Variants in QKI observed in about 807,000 individuals in gnomAD.
QKI encodes the protein QKI, KH domain containing RNA binding.
Under a neutral mutation model 39.0 loss-of-function variants are expected in QKI, and 10 were observed. The ratio of observed to expected loss-of-function variants is 0.26; its 90% CI spans 0.16 to 0.43. The LOEUF is 0.43. Among genes scored for constraint, QKI ranks in the 20% least tolerant of loss-of-function variants. The pLI is 1.00. For synonymous variants in QKI, 204 were observed against 155.4 expected, an observed-to-expected ratio of 1.31 and a Z score of -2.33; for missense variants, 218 against 428.0, an observed-to-expected ratio of 0.51 and a Z score of 4.33.
intron 3 of QKI, among the ~76,000 whole-genome samples, chr6:163,486,618 A>T (rs1777697027): frequency 6.6e-6 from 1 of 152,206 alleles, no homozygotes; most frequent in African/African-American, 2.4e-5. Flanking sequence ...TCAATATGTT[A>T]TATTTTTAGA....
chr6:163,537,798 C>G (rs939335447), intron 4 of QKI, among the ~76,000 whole-genome samples: 4 of 152,194 alleles, frequency 2.6e-5, no homozygotes, highest in African/African-American at 9.7e-5. Flanking sequence ...ATGCTTGTAT[C>G]AGAACCCCAC....
chr6:163,451,648 A>T (rs937214409), intron 1 of QKI, among the ~76,000 whole-genome samples: 1 of 152,044 alleles, frequency 6.6e-6, no homozygotes, highest in Non-Finnish European at 1.5e-5. Flanking sequence ...ATGTTGGGAG[A>T]TTTTTTGTAC....
rs79711307 is a variant in QKI, at chr6:163,526,779, C to T, written c.403-8203C>T. 5.0e-3 allele frequency among the ~76,000 whole-genome samples: 758 copies of T among 152,218 alleles called. 6 individuals are homozygous for T. Among genetic ancestry groups the T allele is most frequent in the East Asian group, 0.025 (132 of 5,178 alleles). On this transcript the variant is annotated intron_variant, in intron 3 of 7. Transcript: ENST00000361752. Reference sequence around the variant, plus strand: ...TTGTTTCTGCATGCTAAAAGCAGCTCATATCTAGAGAAATCTCACTCATTT... The same window carrying T: ...TTGTTTCTGCATGCTAAAAGCAGCTTATATCTAGAGAAATCTCACTCATTT...
Position 163,516,677 on chromosome 6 carries a change from C to G in QKI, c.403-18305C>G, listed in dbSNP as rs180738606. On this transcript the variant is annotated intron_variant, in intron 3 of 7. Coordinates refer to ENST00000361752, the MANE Select transcript of QKI (RefSeq NM_006775.3). ...ACCTTGATGACTTATTTCAAGAAAG[C>G]TTTTTATTTTTCTGGTCTTAACTAT... Among the ~76,000 whole-genome samples, 5 of 152,156 alleles carry G rather than the reference C, an allele frequency of 3.3e-5. No homozygotes were observed. In the East Asian group the frequency reaches 9.7e-4, roughly 29 times the overall value.
intron 3 of QKI, among the ~76,000 whole-genome samples, chr6:163,495,175 A>G (rs895808989): frequency 2.6e-5 from 4 of 152,262 alleles, no homozygotes; most frequent in Non-Finnish European, 4.4e-5. Context: ...TCGGCCTCCC[A>G]AAGTGCTGGG....
intron 2 of QKI, among the ~76,000 whole-genome samples, chr6:163,457,982 A>T (rs1791053258): frequency 6.6e-6 from 1 of 152,168 alleles, no homozygotes; most frequent in African/African-American, 2.4e-5. Context: ...GAATGATGGG[A>T]GGAAGGCATG....
Position 163,564,499 on chromosome 6 carries a change from T to G in QKI, c.934+780T>G, listed in dbSNP as rs1783233055. 2.1e-6 allele frequency: 3 copies of G among 1,435,718 alleles called. No individual in the cohort carries two copies. The South Asian group carries it at 4.6e-5, about 22-fold the overall frequency. The allele number at this position is 1,435,718 out of a possible 1,614,324, so 88.9% of individuals were successfully genotyped here. On this transcript the variant is annotated intron_variant, in intron 6 of 7. Coordinates refer to ENST00000361752, the MANE Select transcript of QKI (RefSeq NM_006775.3). The stretch of plus-strand genomic sequence containing the variant: ...TCCTAGTCATATTAAACATGAGAGA[T>G]ACTCTTAATTTCAGTAGTACAGTAT...
chr6:163,436,262 C>T (rs554074338), intron 1 of QKI, among the ~76,000 whole-genome samples: 7 of 152,156 alleles, frequency 4.6e-5, no homozygotes, highest in Non-Finnish European at 1.0e-4. Flanking sequence ...GAAGTGTTAA[C>T]TTCTAGAAGG....
chr6:163,502,856 C>T (rs897501535), intron 3 of QKI, among the ~76,000 whole-genome samples: 1 of 151,964 alleles, frequency 6.6e-6, no homozygotes, highest in East Asian at 1.9e-4. Flanking sequence ...TGTTTTCTTT[C>T]GGATGTATAC....
intron 1 of QKI, among the ~76,000 whole-genome samples, chr6:163,431,254 C>A (rs984361063): frequency 2.0e-5 from 3 of 152,102 alleles, no homozygotes; most frequent in African/African-American, 7.2e-5. Context: ...AGAAAACTGT[C>A]CTTGTCTGGC....
rs778153160 is a variant in QKI, at chr6:163,576,216, CATT to C, written c.*5509_*5511del. 3 of 152,202 alleles carry C rather than the reference CATT, an allele frequency of 2.0e-5. No individual in the cohort carries two copies. The highest frequency in any genetic ancestry group is 1.9e-4 in the East Asian group (1 of 5,174). The allele number at this position is 152,202 out of a possible 1,614,324, so 9.4% of individuals were successfully genotyped here. A position where few individuals can be genotyped will look rare whatever the true frequency, so the allele number is the denominator to read the frequency against. Reference sequence around the variant, plus strand: ...CCTTTGATATGAAGAGATTTACCAACATTATATGCACTCGTGCCTTCAATGTGG... The same window carrying C: ...CCTTTGATATGAAGAGATTTACCAACATATGCACTCGTGCCTTCAATGTGG... On this transcript the variant is annotated 3_prime_UTR_variant, in exon 8 of 8. Transcript: ENST00000361752.
intron 4 of QKI, among the ~76,000 whole-genome samples, chr6:163,540,010 T>G (rs1781415204): frequency 6.6e-6 from 1 of 152,140 alleles, no homozygotes; most frequent in African/African-American, 2.4e-5. Context: ...CATGAGATAC[T>G]TTTGTAATGT....
At chr6:163,547,507 A>G (rs1382277458) in intron 4 of QKI, among the ~76,000 whole-genome samples, 6 of 152,144 alleles carry the variant, frequency 3.9e-5, no homozygotes, top group Admixed American at 1.3e-4. Flanking sequence ...GCGTGCTTCT[A>G]ATCTGGAATT....
In QKI at chr6:163,570,746, T is replaced by G. The variant is rs1783657817; in HGVS notation, c.*36T>G. 6.2e-7 allele frequency: 1 copy of G among 1,611,884 alleles called. No individual in the cohort carries two copies. The highest frequency in any genetic ancestry group is 8.5e-7 in the Non-Finnish European group (1 of 1,178,870). ...TCTGACCTCTGAACTCTTCACCCAATGATGACCTGACCATGCCTGCCTGCT... is the reference window on the plus strand; with the variant it reads ...TCTGACCTCTGAACTCTTCACCCAAGGATGACCTGACCATGCCTGCCTGCT... On this transcript the variant is annotated 3_prime_UTR_variant, in exon 8 of 8. Coordinates refer to ENST00000361752, the MANE Select transcript of QKI (RefSeq NM_006775.3).
chr6:163,485,417 G>T (rs1777593918), intron 3 of QKI, among the ~76,000 whole-genome samples: 1 of 152,164 alleles, frequency 6.6e-6, no homozygotes, highest in African/African-American at 2.4e-5. Flanking sequence ...AAACAGAACA[G>T]TGTTTTGCAC....
At chr6:163,451,516 A>G (rs1790557716) in intron 1 of QKI, among the ~76,000 whole-genome samples, 1 of 152,198 alleles carries the variant, frequency 6.6e-6, no homozygotes, top group Admixed American at 6.5e-5. Context: ...AATGGTAGAA[A>G]TTTTAGGAGA....
chr6:163,492,831 C>T lies in QKI; in HGVS notation c.402+13935C>T, dbSNP rs75377318. On this transcript the variant is annotated intron_variant, in intron 3 of 7. Coordinates refer to ENST00000361752, the MANE Select transcript of QKI (RefSeq NM_006775.3). Reference sequence around the variant, plus strand: ...GGGTGTGTAATATTATCAAGTGTTACAACAGCACATTGTTTAGAACGTTTA... The same window carrying T: ...GGGTGTGTAATATTATCAAGTGTTATAACAGCACATTGTTTAGAACGTTTA... Among the ~76,000 whole-genome samples the T allele has an allele frequency of 1.1e-3, 161 of 152,150 alleles. 1 individual carries two copies. The East Asian group carries it at 0.023, about 21-fold the overall frequency.
At position 163,577,537 on chromosome 6, in the gene QKI, T is replaced by C. The variant is rs764900981; in HGVS notation, c.*6827T>C. 2 of 152,444 alleles carry C rather than the reference T, an allele frequency of 1.3e-5. No homozygotes were observed. Among genetic ancestry groups the C allele is most frequent in the Non-Finnish European group, 2.9e-5 (2 of 68,034 alleles). The allele number at this position is 152,444 out of a possible 1,614,324, so 9.4% of individuals were successfully genotyped here. On this transcript the variant is annotated 3_prime_UTR_variant, in exon 8 of 8. Coordinates refer to ENST00000361752, the MANE Select transcript of QKI (RefSeq NM_006775.3). ...GTAGGCACCAGCTGAAACTGAGTAATTAAACGGTCCCCTGAAGCCAAGTAT... is the reference window on the plus strand; with the variant it reads ...GTAGGCACCAGCTGAAACTGAGTAACTAAACGGTCCCCTGAAGCCAAGTAT...
intron 4 of QKI, among the ~76,000 whole-genome samples, chr6:163,561,420 T>C (rs1782995296): frequency 6.6e-6 from 1 of 151,970 alleles, no homozygotes; most frequent in African/African-American, 2.4e-5. Context: ...CAGCCTGGGC[T>C]ACAAAACGAG....
Sources: allele counts gnomAD v4.1 joint callset (sites outside exome capture counted in the v4.1 genomes callset), GRCh38; gene constraint gnomAD v4.1.1; transcripts MANE v1.5; gene names NCBI Gene and HGNC (gene_info 2026-07-23, HGNC 2026-07-21).